Variants in NR1I2 observed in about 807,000 individuals in gnomAD.
NR1I2 encodes nuclear receptor subfamily 1 group I member 2, also known as orphan nuclear receptor PAR1.
In NR1I2, 42 loss-of-function variants were observed where a neutral mutation model predicts 43.3. The observed-to-expected ratio is 0.97, with a 90% CI of 0.76 to 1.26. The LOEUF is 1.26. Among genes scored for constraint, NR1I2 ranks in the 50% most tolerant of loss-of-function variants. NR1I2 has a pLI of 0.00. For missense variants in NR1I2, 559 were observed against 566.7 expected (o/e 0.99, Z 0.14); for synonymous variants, 229 against 215.0 (o/e 1.06, Z -0.57).
rs774604402 is a variant in NR1I2 at position 119,812,938 on chromosome 3, G to A, written c.772G>A (p.Ala258Thr). The change falls in exon 5 of 9, where the codon GCC (alanine) becomes ACC (threonine). Residue 258 changes from alanine (A) to threonine (T), a missense_variant. Transcript: ENST00000393716. ...CATGTTCAAAGGCATCATCAGCTTT[G>A]CCAAAGTCATCTCCTACTTCAGGTA... 8.1e-6 allele frequency: 13 copies of A among 1,613,702 alleles called. No individual in the cohort carries two copies. The highest frequency in any genetic ancestry group is 1.1e-5 in the Non-Finnish European group (13 of 1,180,056).
chr3:119,783,562 C>T (rs967623696), intron 1 of NR1I2, among the ~76,000 whole-genome samples: 10 of 152,114 alleles, frequency 6.6e-5, no homozygotes, highest in Admixed American at 1.3e-4. Context: ...TCAACTTGTT[C>T]CAAAATTATT....
intron 1 of NR1I2, among the ~76,000 whole-genome samples, chr3:119,791,120 GCA>G (rs1425099414): frequency 6.6e-6 from 1 of 152,236 alleles, no homozygotes; most frequent in Non-Finnish European, 1.5e-5. Context: ...AGTCCAGCCA[GCA>G]GACCTTATAA....
At chr3:119,814,845 A>T in intron 5 of NR1I2, 134 bp from the exon 6 acceptor site, 1 of 1,100,990 alleles carries the variant, frequency 9.1e-7, no homozygotes, top group Non-Finnish European at 1.3e-6. Context: ...CAGCAGCCAC[A>T]GTCATCCTCA....
intron 1 of NR1I2, among the ~76,000 whole-genome samples, chr3:119,798,191 C>T (rs1053541939): frequency 1.3e-5 from 2 of 152,070 alleles, no homozygotes; most frequent in South Asian, 2.1e-4. Context: ...GTCTCTTACG[C>T]CCTGTTCTTT....
At chr3:119,809,523 G>A (rs1577282898) in intron 2 of NR1I2, among the ~76,000 whole-genome samples, 1 of 142,772 alleles carries the variant, frequency 7.0e-6, no homozygotes, top group South Asian at 2.5e-4. Flanking sequence ...GTCTGGAAGG[G>A]GAGCTGGAGA....
intron 1 of NR1I2, among the ~76,000 whole-genome samples, chr3:119,804,272 G>A (rs2107965341): frequency 6.6e-6 from 1 of 150,378 alleles, no homozygotes; most frequent in African/African-American, 2.4e-5. Context: ...CTACTCGGGA[G>A]GCTGAGGCAG....
intron 1 of NR1I2, among the ~76,000 whole-genome samples, chr3:119,798,324 G>A (rs886369832): frequency 2.0e-5 from 3 of 152,108 alleles, no homozygotes; most frequent in Non-Finnish European, 4.4e-5. Context: ...CCAATGAGTT[G>A]TCAGTTTCAG....
intron 1 of NR1I2, chr3:119,792,194 G>T (rs1326547422): frequency 8.3e-7 from 1 of 1,208,828 alleles, no homozygotes; most frequent in African/African-American, 1.5e-5. Flanking sequence ...TCACTACTGA[G>T]ATCCTCAAGT....
chr3:119,811,414 T>C (rs2055239368), intron 3 of NR1I2, 125 bp from the exon 4 acceptor site: 2 of 913,462 alleles, frequency 2.2e-6, no homozygotes, highest in Non-Finnish European at 3.3e-6. Context: ...GAATTGCTTG[T>C]CACCATTACT....
chr3:119,813,461 G>T (rs1461471486), intron 5 of NR1I2, among the ~76,000 whole-genome samples: 2 of 152,172 alleles, frequency 1.3e-5, no homozygotes, highest in African/African-American at 4.8e-5. Flanking sequence ...CGGGCAACTG[G>T]GGTTAGTGGG....
At chr3:119,807,623 G>A (rs114577406) in intron 2 of NR1I2, among the ~76,000 whole-genome samples, 176 bp downstream of exon 2, 1 of 152,194 alleles carries the variant, frequency 6.6e-6, no homozygotes, top group Non-Finnish European at 1.5e-5. Flanking sequence ...TTCATCTTCA[G>A]TCTTCCTGTT....
At chr3:119,785,918 T>C (rs1330725672) in intron 1 of NR1I2, among the ~76,000 whole-genome samples, 1 of 152,250 alleles carries the variant, frequency 6.6e-6, no homozygotes, top group Non-Finnish European at 1.5e-5. Flanking sequence ...ATAAGATAGC[T>C]AGTAAAAGTG....
chr3:119,782,458 TG>T (rs201206425), intron 1 of NR1I2, among the ~76,000 whole-genome samples, 158 bp downstream of exon 1: 189 of 151,336 alleles, frequency 1.2e-3, no homozygotes, highest in African/African-American at 3.5e-3. Flanking sequence ...ATTTCTAGGG[TG>T]GAAAAAAAAA....
rs2055020818 is a variant in NR1I2 at position 119,797,696 on chromosome 3, A to AT, written c.-22-9530dup. Among the ~76,000 whole-genome samples the AT allele has an allele frequency of 2.0e-5, 3 of 152,238 alleles. No individual in the cohort carries two copies. In the South Asian group the frequency reaches 6.2e-4, roughly 32 times the overall value. On this transcript the variant is annotated intron_variant, in intron 1 of 8. Transcript: ENST00000393716. ...AATATTGTTTTATATGCACCCACAT[A>AT]TTTACCCTTTTTAGTTCTCCATATT...
chr3:119,792,566 C>A lies in NR1I2; in HGVS notation c.-23+10266C>A. 9.4e-6 allele frequency: 8 copies of A among 855,078 alleles called. No individual in the cohort carries two copies. In the South Asian group the frequency reaches 1.2e-4, roughly 13 times the overall value. 53.0% of individuals were successfully genotyped at this position (855,078 alleles called of 1,614,324 possible). A position where few individuals can be genotyped will look rare whatever the true frequency, so the allele number is the denominator to read the frequency against. On this transcript the variant is annotated intron_variant, in intron 1 of 8. Coordinates refer to ENST00000393716, the MANE Select transcript of NR1I2 (RefSeq NM_003889.4). The stretch of plus-strand genomic sequence containing the variant: ...GCTGCCCCAGTGAGGGCCCACCCTG[C>A]CTGCACCTCCATGGGCCAACTAGGC...
In NR1I2 at chr3:119,807,375, G is replaced by A. The variant is rs151248272; in HGVS notation, c.125G>A (p.Arg42His). Residue 42 changes from arginine (R) to histidine (H), a missense_variant, in exon 2 of 9, where the codon CGT (arginine) becomes CAT (histidine). Arg to His is a conservative substitution (Grantham distance 29). This residue lies in a region of NR1I2 where 232 missense variants were observed against 236.6 expected (regional missense o/e 0.98). Coordinates refer to ENST00000393716, the MANE Select transcript of NR1I2 (RefSeq NM_003889.4). ...GAAGTCGGAGGTCCCCAAATCTGCC[G>A]TGTATGTGGGGACAAGGCCACTGGC... 1.9e-5 allele frequency: 31 copies of A among 1,614,216 alleles called. No homozygotes were observed. The Admixed American group carries it at 2.7e-4, about 14-fold the overall frequency.
chr3:119,782,759 T>G, intron 1 of NR1I2: 2 of 1,613,440 alleles, frequency 1.2e-6, no homozygotes, highest in Non-Finnish European at 1.7e-6. Context: ...GACAGCAGCA[T>G]GACAGTCACC....
At chr3:119,792,492 G>T in intron 1 of NR1I2, 1 of 1,079,482 alleles carries the variant, frequency 9.3e-7, no homozygotes, top group East Asian at 2.6e-5. Flanking sequence ...CAGCTCTCTC[G>T]CTCTTGGAAC....
At chr3:119,799,478 T>G (rs2055046659) in intron 1 of NR1I2, among the ~76,000 whole-genome samples, 1 of 152,248 alleles carries the variant, frequency 6.6e-6, no homozygotes, top group African/African-American at 2.4e-5. Context: ...TGTCTGTGTC[T>G]TATCTTTCTA....
Sources: gnomAD v4.1 joint callset for allele counts (sites outside exome capture counted in the v4.1 genomes callset) on GRCh38, gnomAD v4.1.1 for gene constraint, gnomAD v4.1.1 regional missense constraint, MANE v1.5 for transcripts, NCBI Gene and HGNC (gene_info 2026-07-23, HGNC 2026-07-21) for gene names.